Variants in PLPPR5 observed in about 807,000 individuals in gnomAD.
The protein encoded by PLPPR5 is phospholipid phosphatase related 5, also known as phospholipid phosphatase-related protein type 5.
Under a neutral mutation model 33.9 loss-of-function variants are expected in PLPPR5, and 16 were observed. The ratio of observed to expected loss-of-function variants is 0.47; its 90% CI spans 0.32 to 0.72. PLPPR5 has a LOEUF of 0.72. PLPPR5 is among the 30% of genes least tolerant of loss of function. The pLI, the probability that PLPPR5 is intolerant of heterozygous loss-of-function variation, is 0.03. For missense variants in PLPPR5, 301 were observed against 406.7 expected, an observed-to-expected ratio of 0.74 and a Z score of 2.23; for synonymous variants, 163 against 150.3, an observed-to-expected ratio of 1.08 and a Z score of -0.62.
intron 3 of PLPPR5, among the ~76,000 whole-genome samples, chr1:98,930,961 C>T (rs1055782733): frequency 6.6e-6 from 1 of 152,162 alleles, no homozygotes; most frequent in Non-Finnish European, 1.5e-5. Flanking sequence ...GACCTCTCTT[C>T]TCCCACGCCT....
rs146876733 is a variant in PLPPR5, at chr1:98,952,194, C to A, written c.621+876G>T. On this transcript the variant is annotated intron_variant, in intron 3 of 5. Coordinates refer to ENST00000263177, the MANE Select transcript of PLPPR5 (RefSeq NM_001037317.2). ...AGGAGAATGGGGTGAACCTGGGAGG[C>A]GGAGCTTGCAGTGAGCTGAGATTGC... Among the ~76,000 whole-genome samples, 1,402 of 145,264 alleles carry A rather than the reference C, an allele frequency of 9.7e-3. 19 individuals carry two copies. The highest frequency in any genetic ancestry group is 0.034 in the African/African-American group (1,341 of 39,150).
chr1:98,985,500 A>G (rs1322724007), intron 1 of PLPPR5, among the ~76,000 whole-genome samples: 2 of 152,028 alleles, frequency 1.3e-5, no homozygotes, highest in East Asian at 3.9e-4. Context: ...TGTAGCCTAA[A>G]TGTACAGTGT....
rs1243563942 is a variant in PLPPR5 at position 98,988,040 on chromosome 1, T to C, written c.237+16395A>G. 2.0e-5 allele frequency among the ~76,000 whole-genome samples: 3 copies of C among 152,230 alleles called. No individual in the cohort carries two copies. The East Asian group carries it at 5.8e-4, about 29-fold the overall frequency. On this transcript the variant is annotated intron_variant, in intron 1 of 5. Coordinates refer to ENST00000263177, the MANE Select transcript of PLPPR5 (RefSeq NM_001037317.2). ...TATTTGCACAAGTGCAGTAAGAGTA[T>C]GTTCTGCTTATAACAGTATAGAGTC...
At chr1:98,968,348 G>C (rs192847425) in intron 1 of PLPPR5, among the ~76,000 whole-genome samples, 1 of 151,890 alleles carries the variant, frequency 6.6e-6, no homozygotes, top group Non-Finnish European at 1.5e-5. Flanking sequence ...TAGTATGTGG[G>C]TTATTAGTAA....
At chr1:98,971,439 A>G (rs1651656004) in intron 1 of PLPPR5, among the ~76,000 whole-genome samples, 2 of 152,032 alleles carry the variant, frequency 1.3e-5, no homozygotes, top group African/African-American at 4.8e-5. Context: ...TCTTTCACAT[A>G]TAACTTACTC....
intron 1 of PLPPR5, among the ~76,000 whole-genome samples, chr1:98,982,293 A>C (rs575974563): frequency 6.6e-6 from 1 of 152,190 alleles, no homozygotes; most frequent in Non-Finnish European, 1.5e-5. Context: ...GAGCTCCTGC[A>C]CTAGGCCCAG....
At chr1:98,914,186 G>A (rs528247532) in intron 5 of PLPPR5, among the ~76,000 whole-genome samples, 1 of 152,288 alleles carries the variant, frequency 6.6e-6, no homozygotes, top group East Asian at 1.9e-4. Flanking sequence ...TTTCCTATGT[G>A]TGAGACCAGT....
At chr1:98,971,344 C>T (rs532687734) in intron 1 of PLPPR5, among the ~76,000 whole-genome samples, 1 of 151,958 alleles carries the variant, frequency 6.6e-6, no homozygotes, top group East Asian at 1.9e-4. Flanking sequence ...TGTTGCACAG[C>T]ATAGCAGAAG....
intron 4 of PLPPR5, among the ~76,000 whole-genome samples, chr1:98,916,199 T>A (rs1180110339): frequency 1.3e-5 from 2 of 152,192 alleles, no homozygotes; most frequent in East Asian, 1.9e-4. Flanking sequence ...TAAGAACACC[T>A]ACTGAGATTT....
At chr1:98,961,803 G>C (rs1209740011) in intron 1 of PLPPR5, among the ~76,000 whole-genome samples, 1 of 152,086 alleles carries the variant, frequency 6.6e-6, no homozygotes, top group African/African-American at 2.4e-5. Context: ...ACAGACCTAA[G>C]TTCTATATTA....
chr1:98,966,538 T>C (rs376010030), intron 1 of PLPPR5, among the ~76,000 whole-genome samples: 3 of 152,140 alleles, frequency 2.0e-5, no homozygotes, highest in African/African-American at 7.2e-5. Context: ...GTAACCTATA[T>C]ATGTTACTAG....
At chr1:98,987,797 T>G (rs1435786879) in intron 1 of PLPPR5, among the ~76,000 whole-genome samples, 1 of 152,028 alleles carries the variant, frequency 6.6e-6, no homozygotes, top group Non-Finnish European at 1.5e-5. Flanking sequence ...TAAAGAATTA[T>G]GCATTTTACA....
intron 1 of PLPPR5, among the ~76,000 whole-genome samples, chr1:98,986,528 T>G (rs1570757216): frequency 6.6e-6 from 1 of 151,784 alleles, no homozygotes. Context: ...AGTTGTAAAG[T>G]ATAAGGATAT....
In PLPPR5 at chr1:99,001,683, T is replaced by G. The variant is rs1440172191; in HGVS notation, c.237+2752A>C. Among the ~76,000 whole-genome samples, 10 of 142,358 alleles carry G rather than the reference T, an allele frequency of 7.0e-5. 1 individual carries two copies. Among genetic ancestry groups the G allele is most frequent in the Non-Finnish European group, 1.1e-4 (7 of 65,512 alleles). 93.4% of individuals were successfully genotyped at this position (142,358 alleles called of 152,430 possible). On this transcript the variant is annotated intron_variant, in intron 1 of 5. Transcript: ENST00000263177. ...TTTGAAAGTTAAAGATATATATATA[T>G]ATATATATATATATATATATATGAA...
chr1:99,004,576 A>T lies in PLPPR5; in HGVS notation c.96T>A (p.Tyr32Ter). 6.2e-7 allele frequency: 1 copy of T among 1,613,006 alleles called. No individual in the cohort carries two copies. Among genetic ancestry groups the T allele is most frequent in the Non-Finnish European group, 8.5e-7 (1 of 1,179,800 alleles). The part of the protein sequence containing the change: ...GTVMLAYYFE[Y>*]TDTFTVNVQG... The stretch of plus-strand genomic sequence containing the variant: ...GCACGTTCACGGTGAACGTGTCCGT[A>T]TACTCGAAGTAGTACGCCAGCATCA... Residue 32 changes from tyrosine (Y) to a stop codon, truncating the protein, a stop_gained, in exon 1 of 6, where the codon TAT becomes TAA. Transcript: ENST00000263177. LOFTEE classifies it high-confidence loss of function.
intron 5 of PLPPR5, among the ~76,000 whole-genome samples, chr1:98,906,155 AGTGTGTGTATATATATATAGT>A (rs1648887409): frequency 6.6e-6 from 1 of 151,194 alleles, no homozygotes; most frequent in Non-Finnish European, 1.5e-5. Flanking sequence ...GTATATACAC[AGTGTGTGTATATATATATAGT>A]GTGTGTGTAT....
rs1169659832 is a variant in PLPPR5 at position 98,966,086 on chromosome 1, G to A, written c.238-9345C>T. ...ATTTCCCTGTTTTTAAAAAGAGAGA[G>A]AGCAAGTATCAGTCTCAGGGTCTTT... On this transcript the variant is annotated intron_variant, in intron 1 of 5. Coordinates refer to ENST00000263177, the MANE Select transcript of PLPPR5 (RefSeq NM_001037317.2). Among the ~76,000 whole-genome samples, 6 of 152,182 alleles carry A rather than the reference G, an allele frequency of 3.9e-5. No homozygotes were observed. In the East Asian group the frequency reaches 1.2e-3, roughly 29 times the overall value.
chr1:98,994,896 GA>G (rs1652576409), intron 1 of PLPPR5, among the ~76,000 whole-genome samples: 1 of 151,890 alleles, frequency 6.6e-6, no homozygotes, highest in African/African-American at 2.4e-5. Flanking sequence ...CCAACAATAT[GA>G]AAAAAAGCTC....
At chr1:98,914,987 G>T in intron 4 of PLPPR5, 67 bp from the exon 5 acceptor site, 1 of 1,487,554 alleles carries the variant, frequency 6.7e-7, no homozygotes, top group Non-Finnish European at 9.1e-7. Flanking sequence ...GCCTTTTGAG[G>T]AGCTTAATAA....
Sources: allele counts gnomAD v4.1 joint callset (sites outside exome capture counted in the v4.1 genomes callset), GRCh38; gene constraint gnomAD v4.1.1; transcripts MANE v1.5; gene names NCBI Gene and HGNC (gene_info 2026-07-23, HGNC 2026-07-21).